The following DGKB variants were observed in gnomAD, a reference collection of about 807,000 sequenced individuals.
The protein encoded by DGKB is 90 kDa diacylglycerol kinase.
Under a neutral mutation model 114.3 loss-of-function variants are expected in DGKB, and 67 were observed. The observed-to-expected ratio is 0.59, with a 90% confidence interval of 0.48 to 0.72. DGKB has a LOEUF of 0.72. Ranked by LOEUF, DGKB falls within the 30% of genes least tolerant of loss-of-function variation. The probability of loss-of-function intolerance (pLI) is 0.00; values close to 1 mark genes in which losing one functional copy is unlikely to be tolerated. For missense variants in DGKB, 907 were observed against 975.2 expected (o/e 0.93, Z 0.93); for synonymous variants, 398 against 323.1 (o/e 1.23, Z -2.49).
intron 21 of DGKB, among the ~76,000 whole-genome samples, chr7:14,424,116 C>G (rs1827146279): frequency 6.6e-6 from 1 of 152,058 alleles, no homozygotes; most frequent in South Asian, 2.1e-4. Flanking sequence ...CATGCAAAAA[C>G]CAGGATTGGT....
chr7:14,625,740 A>C (rs530430475), intron 14 of DGKB, among the ~76,000 whole-genome samples: 19 of 152,282 alleles, frequency 1.2e-4, no homozygotes, highest in Admixed American at 4.6e-4. Flanking sequence ...TTGTTGCTTT[A>C]ATCAATAGAA....
chr7:14,297,354 C>T (rs934922507), intron 23 of DGKB, among the ~76,000 whole-genome samples: 2 of 152,112 alleles, frequency 1.3e-5, no homozygotes, highest in African/African-American at 4.8e-5. Flanking sequence ...AGCGTATTCA[C>T]CACAGTCAAG....
chr7:14,550,733 G>C (rs1039808563), intron 20 of DGKB, among the ~76,000 whole-genome samples: 1 of 152,070 alleles, frequency 6.6e-6, no homozygotes, highest in African/African-American at 2.4e-5. Context: ...TGATTGTCAT[G>C]AACATGATGA....
chr7:14,500,666 G>A (rs1218834223), intron 20 of DGKB, among the ~76,000 whole-genome samples: 1 of 151,666 alleles, frequency 6.6e-6, no homozygotes, highest in South Asian at 2.1e-4. Flanking sequence ...GCAGTCTCGT[G>A]GTGTTTTAAG....
chr7:14,366,495 A>G lies in DGKB; in HGVS notation c.1836-21104T>C, dbSNP rs370472298. ...TCCTGAATGTGTTGGCATTTGACCT[A>G]TGGGAAGCTAACATGCTGTTAGTGA... On this transcript the variant is annotated intron_variant, in intron 21 of 25. Coordinates refer to ENST00000402815, the MANE Select transcript of DGKB (RefSeq NM_001350709.2). 6.6e-5 allele frequency among the ~76,000 whole-genome samples: 10 copies of G among 152,268 alleles called. No homozygotes were observed. The East Asian group carries it at 1.2e-3, about 18-fold the overall frequency.
chr7:14,483,851 T>A (rs1169659052), intron 20 of DGKB, among the ~76,000 whole-genome samples: 4 of 152,106 alleles, frequency 2.6e-5, no homozygotes, highest in Admixed American at 2.0e-4. Flanking sequence ...TGTTTTGTTC[T>A]CCATCACCTC....
At chr7:14,401,426 T>C (rs1583660912) in intron 21 of DGKB, among the ~76,000 whole-genome samples, 2 of 151,920 alleles carry the variant, frequency 1.3e-5, no homozygotes, top group Non-Finnish European at 2.9e-5. Flanking sequence ...GTTAAGCCAG[T>C]GCACTGCTTG....
Position 14,542,088 on chromosome 7 carries a change from T to C in DGKB, c.1770+32124A>G, listed in dbSNP as rs115294825. ...TTCTTAAAACACCATTCCTTTTAAG[T>C]GATCAATTGCCTTTACAAAATTCTA... On this transcript the variant is annotated intron_variant, in intron 20 of 25. Transcript: ENST00000402815. Among the ~76,000 whole-genome samples the C allele has an allele frequency of 4.9e-3, 739 of 152,268 alleles. 5 individuals carry two copies. The highest frequency in any genetic ancestry group is 0.017 in the African/African-American group (704 of 41,540).
chr7:14,769,214 AAG>A (rs1836992232), intron 2 of DGKB, among the ~76,000 whole-genome samples: 1 of 135,164 alleles, frequency 7.4e-6, no homozygotes, highest in African/African-American at 2.7e-5. Context: ...AAAGGAAAGA[AAG>A]AGAAAGAGAG....
At chr7:14,689,276 G>A (rs377030120) in intron 9 of DGKB, among the ~76,000 whole-genome samples, 2 of 145,288 alleles carry the variant, frequency 1.4e-5, no homozygotes, top group African/African-American at 5.1e-5. Context: ...CGCGATCTCG[G>A]CTCACTGCAA....
intron 20 of DGKB, among the ~76,000 whole-genome samples, chr7:14,563,754 C>T (rs978670099): frequency 6.6e-6 from 1 of 151,522 alleles, no homozygotes; most frequent in African/African-American, 2.4e-5. Flanking sequence ...GTAATCTGCA[C>T]ATTAGACAAA....
chr7:14,313,821 T>C (rs1000905260), intron 23 of DGKB, among the ~76,000 whole-genome samples: 6 of 152,296 alleles, frequency 3.9e-5, no homozygotes, highest in African/African-American at 1.4e-4. Flanking sequence ...GCTCCACCTC[T>C]GGGGGCAGGG....
In DGKB at chr7:14,489,403, T is replaced by C. The variant is rs1487035828; in HGVS notation, c.1771-11178A>G. 2.0e-5 allele frequency among the ~76,000 whole-genome samples: 3 copies of C among 152,180 alleles called. No homozygotes were observed. In the East Asian group the frequency reaches 5.8e-4, roughly 29 times the overall value. ...AACCCTAAGTGTTTTTGCTGATATA[T>C]ATTATTTTCAATAATCAAGATATCT... is the stretch of plus-strand genomic sequence containing the variant. On this transcript the variant is annotated intron_variant, in intron 20 of 25. Transcript: ENST00000402815.
At chr7:14,937,025 TACACACACACACACACACACACACAC>T (rs56176139) in intron 1 of DGKB, among the ~76,000 whole-genome samples, 1 of 132,284 alleles carries the variant, frequency 7.6e-6, no homozygotes, top group Non-Finnish European at 1.6e-5. Flanking sequence ...GTCCATTCAC[TACACACACACACACACACACACACAC>T]ACACACACAC....
At chr7:14,363,397 A>G (rs1816091981) in intron 21 of DGKB, among the ~76,000 whole-genome samples, 1 of 152,140 alleles carries the variant, frequency 6.6e-6, no homozygotes, top group Non-Finnish European at 1.5e-5. Context: ...ATATTGTGAA[A>G]TTGCTATGGT....
chr7:14,282,472 A>G (rs1800131274), intron 23 of DGKB, among the ~76,000 whole-genome samples: 1 of 151,508 alleles, frequency 6.6e-6, no homozygotes, highest in Non-Finnish European at 1.5e-5. Flanking sequence ...AAACTATTCC[A>G]ATCAATAGAA....
intron 23 of DGKB, 48 bp downstream of exon 23, chr7:14,338,467 G>A (rs746970200): frequency 8.0e-7 from 1 of 1,243,702 alleles, no homozygotes; most frequent in Non-Finnish European, 1.1e-6. Context: ...AGAAGCCTTT[G>A]AAAACAGGTT....
intron 23 of DGKB, among the ~76,000 whole-genome samples, chr7:14,282,856 C>A (rs998653834): frequency 3.9e-5 from 6 of 152,098 alleles, no homozygotes; most frequent in Non-Finnish European, 5.9e-5. Context: ...ATTGATGGGA[C>A]ATATTTCAAA....
chr7:14,513,971 C>G (rs534922706), intron 20 of DGKB, among the ~76,000 whole-genome samples: 1 of 152,030 alleles, frequency 6.6e-6, no homozygotes, highest in Admixed American at 6.6e-5. Context: ...TTAATTACCA[C>G]AAAAGCAATC....
Sources: gnomAD v4.1 joint callset for allele counts (sites outside exome capture counted in the v4.1 genomes callset) on GRCh38, gnomAD v4.1.1 for gene constraint, MANE v1.5 for transcripts, NCBI Gene and HGNC (gene_info 2026-07-23, HGNC 2026-07-21) for gene names.